Variants in GNB1 observed in about 807,000 individuals in gnomAD.
GNB1 encodes the protein G protein subunit beta 1, also known as guanine nucleotide-binding protein G(I)/G(S)/G(T) subunit beta-1.
Under a neutral mutation model 42.9 loss-of-function variants are expected in GNB1, and 2 were observed. That is an observed-to-expected ratio of 0.05 (90% CI 0.02 to 0.15). The LOEUF (loss-of-function observed/expected upper bound fraction) is 0.15. GNB1 is among the 10% of genes least tolerant of loss of function. The pLI is 1.00. For synonymous variants in GNB1, 183 were observed against 174.7 expected, an observed-to-expected ratio of 1.05 and a Z score of -0.38; for missense variants, 193 against 462.2, an observed-to-expected ratio of 0.42 and a Z score of 5.34.
chr1:1,822,094 C>G (rs1646936896), intron 3 of GNB1, among the ~76,000 whole-genome samples: 1 of 152,130 alleles, frequency 6.6e-6, no homozygotes, highest in Non-Finnish European at 1.5e-5. Context: ...GAGACCCTGT[C>G]TCAAAACACA....
In GNB1 at chr1:1,882,729, T is replaced by C. The variant is rs895176583; in HGVS notation, c.-96+8091A>G. Among the ~76,000 whole-genome samples the C allele has an allele frequency of 2.6e-5, 4 of 152,060 alleles. No individual in the cohort carries two copies. In the East Asian group the frequency reaches 7.7e-4, roughly 29 times the overall value. ...CGAGGTCAGGAGTTTGAGACCAGAC[T>C]GGCCAATATGGTGAAACCCTGTCTC... On this transcript the variant is annotated intron_variant, in intron 1 of 11. Coordinates refer to ENST00000378609, the MANE Select transcript of GNB1 (RefSeq NM_002074.5).
intron 2 of GNB1, among the ~76,000 whole-genome samples, chr1:1,829,872 G>T (rs535664978): frequency 4.4e-4 from 67 of 152,116 alleles, no homozygotes; most frequent in Non-Finnish European, 3.8e-4. Context: ...CCGAGTAGCT[G>T]GGACTACAGG....
intron 7 of GNB1, among the ~76,000 whole-genome samples, chr1:1,797,319 A>G (rs1646560046): frequency 6.6e-6 from 1 of 152,228 alleles, no homozygotes; most frequent in South Asian, 2.1e-4. Flanking sequence ...ACGACAGTAT[A>G]ATACTATAGT....
Position 1,786,299 on chromosome 1 carries a change from G to T in GNB1, c.*764C>A. On this transcript the variant is annotated 3_prime_UTR_variant, in exon 12 of 12. Coordinates refer to ENST00000378609, the MANE Select transcript of GNB1 (RefSeq NM_002074.5). The stretch of plus-strand genomic sequence containing the variant: ...CTCAACTGAGAAGATAGACAGGATG[G>T]GTCAGGAGGAACATGGTGCTGGATC... 1 of 375,362 alleles carries T rather than the reference G, an allele frequency of 2.7e-6. No individual in the cohort carries two copies. The highest frequency in any genetic ancestry group is 4.7e-6 in the Non-Finnish European group (1 of 211,714). The allele number at this position is 375,362 out of a possible 1,614,324, so 23.3% of individuals were successfully genotyped here. A position where few individuals can be genotyped will look rare whatever the true frequency, so the allele number is the denominator to read the frequency against.
At chr1:1,882,426 CAAAAAAAAAAA>C (rs5772052) in intron 1 of GNB1, among the ~76,000 whole-genome samples, 20 of 71,612 alleles carry the variant, frequency 2.8e-4, no homozygotes, top group African/African-American at 1.3e-3. Context: ...GACTCCAACT[CAAAAAAAAAAA>C]AAAAAAAAAA....
At chr1:1,854,240 G>A (rs1477025117) in intron 1 of GNB1, among the ~76,000 whole-genome samples, 1 of 152,188 alleles carries the variant, frequency 6.6e-6, no homozygotes, top group East Asian at 1.9e-4. Context: ...GGCCAGAGAA[G>A]GCCACTCTGG....
chr1:1,786,440 G>A lies in GNB1; in HGVS notation c.*623C>T. ...GTTCTTTTCTATGCCACGTTTGTGT[G>A]CAACAATGATCTGTGACATCAGACA... On this transcript the variant is annotated 3_prime_UTR_variant, in exon 12 of 12. Coordinates refer to ENST00000378609, the MANE Select transcript of GNB1 (RefSeq NM_002074.5). 5.0e-6 allele frequency: 1 copy of A among 198,246 alleles called. No homozygotes were observed. The highest frequency in any genetic ancestry group is 1.0e-5 in the Non-Finnish European group (1 of 98,502). The allele number at this position is 198,246 out of a possible 1,614,324, so 12.3% of individuals were successfully genotyped here. A position where few individuals can be genotyped will look rare whatever the true frequency, so the allele number is the denominator to read the frequency against.
At chr1:1,792,992 G>T (rs1646501888) in intron 8 of GNB1, among the ~76,000 whole-genome samples, 2 of 151,728 alleles carry the variant, frequency 1.3e-5, no homozygotes, top group Non-Finnish European at 2.9e-5. Context: ...TTTAAACCCG[G>T]CAGGCAGATG....
intron 2 of GNB1, among the ~76,000 whole-genome samples, chr1:1,832,831 G>C (rs1307774004): frequency 6.6e-6 from 1 of 152,166 alleles, no homozygotes; most frequent in Non-Finnish European, 1.5e-5. Flanking sequence ...AACATACAAA[G>C]AATAATGCTT....
At chr1:1,849,924 C>T (rs1647889942) in intron 1 of GNB1, among the ~76,000 whole-genome samples, 1 of 152,084 alleles carries the variant, frequency 6.6e-6, no homozygotes, top group African/African-American at 2.4e-5. Flanking sequence ...CCTAGGGCTC[C>T]AATTATCTGT....
intron 1 of GNB1, among the ~76,000 whole-genome samples, chr1:1,859,358 G>A (rs1005707300): frequency 4.0e-5 from 6 of 151,592 alleles, no homozygotes; most frequent in Non-Finnish European, 2.9e-5. Flanking sequence ...TAACTTCCTA[G>A]GACATAAATA....
chr1:1,869,914 G>A (rs111784344), intron 1 of GNB1, among the ~76,000 whole-genome samples: 4 of 152,174 alleles, frequency 2.6e-5, no homozygotes, highest in African/African-American at 7.2e-5. Context: ...CCAGGCTGGA[G>A]TGTAGTGGTA....
In GNB1 at chr1:1,817,922, C is replaced by T. The variant is rs749685560; in HGVS notation, c.58-47G>A. 2.3e-5 allele frequency: 33 copies of T among 1,423,936 alleles called. 1 individual carries two copies. In the Middle Eastern group the frequency reaches 1.7e-3, roughly 75 times the overall value. The allele number at this position is 1,423,936 out of a possible 1,614,324, so 88.2% of individuals were successfully genotyped here. A position where few individuals can be genotyped will look rare whatever the true frequency, so the allele number is the denominator to read the frequency against. ...AAATTAGCAACCTTTCAGATACATT[C>T]AATCTCAGGTCCACACATACCAAAG... On this transcript the variant is annotated intron_variant, in intron 3 of 11. Transcript: ENST00000378609.
intron 2 of GNB1, among the ~76,000 whole-genome samples, chr1:1,830,041 G>A (rs1045350404): frequency 2.0e-5 from 3 of 151,074 alleles, no homozygotes; most frequent in East Asian, 3.9e-4. Context: ...CGCCCGGCCC[G>A]CCATCTTTTT....
At chr1:1,796,762 G>A (rs1646552285) in intron 7 of GNB1, among the ~76,000 whole-genome samples, 2 of 152,172 alleles carry the variant, frequency 1.3e-5, no homozygotes, top group African/African-American at 2.4e-5. Flanking sequence ...TCAAGGAGAG[G>A]CTGAAACGCG....
intron 5 of GNB1, among the ~76,000 whole-genome samples, chr1:1,807,251 T>TG (rs1646708097): frequency 6.6e-6 from 1 of 151,826 alleles, no homozygotes; most frequent in African/African-American, 2.4e-5. Flanking sequence ...CACAGGAGTT[T>TG]GAGACCAGCA....
intron 7 of GNB1, among the ~76,000 whole-genome samples, chr1:1,798,974 C>A (rs58795053): frequency 6.7e-6 from 1 of 148,992 alleles, no homozygotes; most frequent in Non-Finnish European, 1.5e-5. Context: ...GGTTGGAGTG[C>A]GGTGGCGCGA....
At chr1:1,881,082 C>T (rs6603802) in intron 1 of GNB1, among the ~76,000 whole-genome samples, 60,788 of 151,968 alleles carry the variant, frequency 0.4, 14,538 homozygotes, top group Admixed American at 0.55. Context: ...TAAGGCCTGC[C>T]GTACCCTCGA....
intron 1 of GNB1, among the ~76,000 whole-genome samples, chr1:1,847,345 T>C (rs552771183): frequency 8.5e-4 from 130 of 152,078 alleles, no homozygotes; most frequent in Non-Finnish European, 1.5e-3. Context: ...TTGTCTGCAG[T>C]CAGGAAGTAC....
Sources: allele counts gnomAD v4.1 joint callset (sites outside exome capture counted in the v4.1 genomes callset), GRCh38; gene constraint gnomAD v4.1.1; transcripts MANE v1.5; gene names NCBI Gene and HGNC (gene_info 2026-07-23, HGNC 2026-07-21).